The following CAMKMT variants were observed in gnomAD, a reference collection of about 807,000 sequenced individuals.
CAMKMT encodes CaM KMT.
Under a neutral mutation model 48.0 loss-of-function variants are expected in CAMKMT, and 53 were observed. That is an observed-to-expected ratio of 1.10 (90% CI 0.89 to 1.39). The LOEUF is 1.39. Ranked by LOEUF, CAMKMT falls within the 40% of genes most tolerant of loss-of-function variation. The pLI is 0.00. For missense variants in CAMKMT, 428 were observed against 402.7 expected, an observed-to-expected ratio of 1.06 and a Z score of -0.54; for synonymous variants, 165 against 152.3, an observed-to-expected ratio of 1.08 and a Z score of -0.61.
chr2:44,556,166 T>A (rs1459529548), intron 3 of CAMKMT, among the ~76,000 whole-genome samples: 2 of 152,036 alleles, frequency 1.3e-5, no homozygotes. Context: ...TGAGATGGAG[T>A]CTTGCTCTGT....
chr2:44,484,178 G>C (rs1308966882), intron 3 of CAMKMT, among the ~76,000 whole-genome samples: 1 of 151,706 alleles, frequency 6.6e-6, no homozygotes, highest in African/African-American at 2.4e-5. Context: ...AACAAAAATA[G>C]GTGGATAGAG....
chr2:44,673,934 C>G (rs1033873275), intron 3 of CAMKMT, among the ~76,000 whole-genome samples: 2 of 152,186 alleles, frequency 1.3e-5, no homozygotes, highest in Non-Finnish European at 2.9e-5. Context: ...TCACTTCATA[C>G]CAGTTTAGCC....
intron 3 of CAMKMT, among the ~76,000 whole-genome samples, chr2:44,603,751 C>T (rs1671131703): frequency 6.6e-6 from 1 of 152,142 alleles, no homozygotes; most frequent in Non-Finnish European, 1.5e-5. Flanking sequence ...AATGTATTCC[C>T]CTGCCCCAGA....
chr2:44,706,165 C>G, intron 4 of CAMKMT, 122 bp from the exon 5 acceptor site: 1 of 896,224 alleles, frequency 1.1e-6, no homozygotes, highest in Non-Finnish European at 1.8e-6. Flanking sequence ...AGTCATGTCT[C>G]TACAACTTCC....
chr2:44,409,122 T>A (rs1312749288), intron 3 of CAMKMT, among the ~76,000 whole-genome samples: 2 of 4,276 alleles, frequency 4.7e-4, no homozygotes, highest in Non-Finnish European at 1.1e-3. Context: ...TATATATATA[T>A]ATATATATAT....
chr2:44,363,322 G>A lies in CAMKMT; in HGVS notation c.138+1177G>A, dbSNP rs543421240. Among the ~76,000 whole-genome samples the A allele has an allele frequency of 3.3e-5, 5 of 152,016 alleles. No individual in the cohort carries two copies. The South Asian group carries it at 1.0e-3, about 32-fold the overall frequency. On this transcript the variant is annotated intron_variant, in intron 1 of 10. Coordinates refer to ENST00000378494, the MANE Select transcript of CAMKMT (RefSeq NM_024766.5). ...TAAATATCTAATTTTTTTTAATAGT[G>A]ACCACTGAAATGAGATCTGGCGTGA...
At chr2:44,507,142 A>G (rs547483280) in intron 3 of CAMKMT, among the ~76,000 whole-genome samples, 5 of 152,268 alleles carry the variant, frequency 3.3e-5, no homozygotes, top group Admixed American at 6.5e-5. Context: ...TTGGAGCTGA[A>G]TAGAAGTTAT....
chr2:44,410,380 C>G (rs971395390), intron 3 of CAMKMT, among the ~76,000 whole-genome samples: 1 of 148,406 alleles, frequency 6.7e-6, no homozygotes, highest in Non-Finnish European at 1.5e-5. Context: ...GCCTCAGCCT[C>G]CCGAGTAGCT....
intron 2 of CAMKMT, among the ~76,000 whole-genome samples, chr2:44,377,178 T>C (rs1679787031): frequency 6.6e-6 from 1 of 152,082 alleles, no homozygotes; most frequent in Non-Finnish European, 1.5e-5. Flanking sequence ...AGCTAATTTT[T>C]GTATATTTTG....
intron 3 of CAMKMT, among the ~76,000 whole-genome samples, chr2:44,509,912 G>A (rs1478883958): frequency 2.0e-5 from 3 of 152,268 alleles, no homozygotes; most frequent in East Asian, 1.9e-4. Context: ...TGGGCTTCCC[G>A]GTCTCCAGAA....
chr2:44,452,970 A>G (rs772587408), intron 3 of CAMKMT, among the ~76,000 whole-genome samples: 4 of 152,046 alleles, frequency 2.6e-5, no homozygotes, highest in African/African-American at 7.2e-5. Context: ...GCTAAATTAT[A>G]TGGTGAATTA....
At position 44,495,634 on chromosome 2, in the gene CAMKMT, G is replaced by A. The variant is rs184933029; in HGVS notation, c.376+105329G>A. On this transcript the variant is annotated intron_variant, in intron 3 of 10. Transcript: ENST00000378494. ...ATGTTAATACTGCCCTTTATTGTAG[G>A]CCAAGGATGTCAATTGGAAGCAATT... is the stretch of plus-strand genomic sequence containing the variant. Among the ~76,000 whole-genome samples, 474 of 152,248 alleles carry A rather than the reference G, an allele frequency of 3.1e-3. 2 individuals are homozygous for A. Among genetic ancestry groups the A allele is most frequent in the African/African-American group, 0.011 (458 of 41,540 alleles).
At chr2:44,684,959 T>C (rs545370330) in intron 3 of CAMKMT, among the ~76,000 whole-genome samples, 22 of 148,418 alleles carry the variant, frequency 1.5e-4, no homozygotes, top group Non-Finnish European at 2.1e-4. Flanking sequence ...AGCAAATAGA[T>C]CTTGCAAAAG....
At chr2:44,673,500 AGGAAGGAAGGAAGGAAGGAAGGAG>A (rs1252519671) in intron 3 of CAMKMT, among the ~76,000 whole-genome samples, 118 of 142,328 alleles carry the variant, frequency 8.3e-4, no homozygotes, top group East Asian at 3.0e-3. Context: ...GAAGGAAGGA[AGGAAGGAAGGAAGGAAGGAAGGAG>A]GGAAGGAAGA....
chr2:44,409,869 A>T (rs1683070582), intron 3 of CAMKMT, among the ~76,000 whole-genome samples: 1 of 152,164 alleles, frequency 6.6e-6, no homozygotes, highest in South Asian at 2.1e-4. Context: ...ACCAATATTT[A>T]CCATGCTAGA....
intron 9 of CAMKMT, among the ~76,000 whole-genome samples, chr2:44,758,447 C>G (rs909121442): frequency 6.6e-6 from 1 of 152,042 alleles, no homozygotes; most frequent in African/African-American, 2.4e-5. Context: ...ACAGGAGGCC[C>G]CAAATTTTAG....
At chr2:44,536,786 A>G (rs1666797706) in intron 3 of CAMKMT, among the ~76,000 whole-genome samples, 1 of 152,224 alleles carries the variant, frequency 6.6e-6, no homozygotes, top group African/African-American at 2.4e-5. Flanking sequence ...ATAGTAACCC[A>G]AACAGCATGG....
chr2:44,647,070 G>A (rs1377050447), intron 3 of CAMKMT, among the ~76,000 whole-genome samples: 4 of 152,118 alleles, frequency 2.6e-5, no homozygotes, highest in Admixed American at 6.5e-5. Flanking sequence ...AGGCCGAGGC[G>A]GGCAGAACAC....
intron 7 of CAMKMT, among the ~76,000 whole-genome samples, chr2:44,720,190 G>A (rs1228294167): frequency 6.6e-6 from 1 of 152,156 alleles, no homozygotes; most frequent in Non-Finnish European, 1.5e-5. Flanking sequence ...ATTAAAATGA[G>A]CCAGACTTTA....
Sources: allele counts gnomAD v4.1 joint callset (sites outside exome capture counted in the v4.1 genomes callset), GRCh38; gene constraint gnomAD v4.1.1; transcripts MANE v1.5; gene names NCBI Gene and HGNC (gene_info 2026-07-23, HGNC 2026-07-21).